Variants in DLL1 observed in about 807,000 individuals in gnomAD.
DLL1 encodes delta-like protein 1.
Under a neutral mutation model 75.1 loss-of-function variants are expected in DLL1, and 9 were observed. That is an observed-to-expected ratio of 0.12 (90% CI 0.07 to 0.21). The LOEUF is 0.21. Among genes scored for constraint, DLL1 ranks in the 10% least tolerant of loss-of-function variants. The probability of loss-of-function intolerance (pLI) is 1.00; values close to 1 mark genes in which losing one functional copy is unlikely to be tolerated. For missense variants in DLL1, 837 were observed against 1,007.6 expected, an observed-to-expected ratio of 0.83 and a Z score of 2.29; for synonymous variants, 477 against 418.3, an observed-to-expected ratio of 1.14 and a Z score of -1.71.
Position 170,290,226 on chromosome 6 carries a change from G to A in DLL1, c.-87C>T. On this transcript the variant is annotated 5_prime_UTR_variant, in exon 1 of 11. Transcript: ENST00000366756. This position sits in a 1 kb window ranked among gnomAD's most constrained non-coding sequence, Gnocchi z 4.7. ...ACGCGCGGGGGATCGATGGGCCACG[G>A]GGAGCGTGGGCAGAAAAGCGCCCTT... 1 of 1,510,306 alleles carries A rather than the reference G, an allele frequency of 6.6e-7. No individual in the cohort carries two copies. The highest frequency in any genetic ancestry group is 8.9e-7 in the Non-Finnish European group (1 of 1,117,414). The allele number at this position is 1,510,306 out of a possible 1,614,324, so 93.6% of individuals were successfully genotyped here. A position where few individuals can be genotyped will look rare whatever the true frequency, so the allele number is the denominator to read the frequency against.
rs1450606357 is a variant in DLL1 at position 170,290,237 on chromosome 6, C to T, written c.-98G>A. On this transcript the variant is annotated 5_prime_UTR_variant, in exon 1 of 11. Coordinates refer to ENST00000366756, the MANE Select transcript of DLL1 (RefSeq NM_005618.4). This position sits in a 1 kb window ranked among gnomAD's most constrained non-coding sequence, Gnocchi z 4.7. The stretch of plus-strand genomic sequence containing the variant: ...ATCGATGGGCCACGGGGAGCGTGGG[C>T]AGAAAAGCGCCCTTGCCTCGCCCCA... 2 of 1,441,334 alleles carry T rather than the reference C, an allele frequency of 1.4e-6. No individual in the cohort carries two copies. The highest frequency in any genetic ancestry group is 1.2e-5 in the South Asian group (1 of 81,470). 89.3% of individuals were successfully genotyped at this position (1,441,334 alleles called of 1,614,324 possible). A position where few individuals can be genotyped will look rare whatever the true frequency, so the allele number is the denominator to read the frequency against.
At chr6:170,288,104 C>T (rs1783746066) in intron 4 of DLL1, 135 bp downstream of exon 4, 6 of 1,357,744 alleles carry the variant, frequency 4.4e-6, no homozygotes, top group Non-Finnish European at 2.0e-6. Flanking sequence ...CAATCCACTT[C>T]TGTCCTCTGG....
At chr6:170,285,799 C>G in intron 5 of DLL1, 100 bp from the exon 6 acceptor site, 1 of 1,534,812 alleles carries the variant, frequency 6.5e-7, no homozygotes, top group South Asian at 1.1e-5. Context: ...ACCAGTGAGC[C>G]TCTGGTTCTC....
In DLL1 at chr6:170,283,937, C is replaced by T. The variant is rs150138823; in HGVS notation, c.1342G>A (p.Ala448Thr). The change falls in exon 9 of 11, where the codon GCC becomes ACC. Residue 448 changes from alanine to threonine, a missense_variant. By Grantham distance (58) the Ala-to-Thr change is moderately conservative (BLOSUM62 0). Around this residue, in one of 2 missense-constraint regions of DLL1, gnomAD observed 533 missense variants for 545.7 expected, o/e 0.98. Transcript: ENST00000366756. Reference protein sequence around the residue: ...RHCDDNVDDCASSPCANGGTC... With the variant: ...RHCDDNVDDCTSSPCANGGTC... ...CCCCCGTTGGCGCACGGGGAGGAGGCGCAGTCGTCCACGTTGTCGTCACAG... is the reference window on the plus strand; with the variant it reads ...CCCCCGTTGGCGCACGGGGAGGAGGTGCAGTCGTCCACGTTGTCGTCACAG... 1.6e-4 allele frequency: 256 copies of T among 1,595,166 alleles called. 1 individual carries two copies. The African/African-American group carries it at 2.9e-3, about 18-fold the overall frequency.
Position 170,283,243 on chromosome 6 carries a change from G to A in DLL1, c.2036C>T (p.Thr679Ile), listed in dbSNP as rs770434277. ...GSSGEEKGTPTTLRGGEASER... is the reference protein window; with the variant it reads ...GSSGEEKGTPITLRGGEASER... ...CCGCAGCACGCACCCCCTGAGTGTG[G>A]TCGGGGTCCCCTTCTCCTCCCCTGA... is the stretch of plus-strand genomic sequence containing the variant. The change falls in exon 9 of 11, where the codon ACC becomes ATC. Residue 679 changes from threonine to isoleucine, a missense_variant. By Grantham distance (89) the Thr-to-Ile change is moderately conservative (BLOSUM62 -1). Coordinates refer to ENST00000366756, the MANE Select transcript of DLL1 (RefSeq NM_005618.4). 1.9e-6 allele frequency: 3 copies of A among 1,612,678 alleles called. No homozygotes were observed. The highest frequency in any genetic ancestry group is 3.3e-5 in the Admixed American group (2 of 59,978).
In DLL1 at chr6:170,282,707, C is replaced by T. The variant is rs553000143; in HGVS notation, c.*167G>A. 225 of 1,151,410 alleles carry T rather than the reference C, an allele frequency of 2.0e-4. No homozygotes were observed. The highest frequency in any genetic ancestry group is 2.9e-4 in the Middle Eastern group (1 of 3,492). 71.3% of individuals were successfully genotyped at this position (1,151,410 alleles called of 1,614,324 possible). A position where few individuals can be genotyped will look rare whatever the true frequency, so the allele number is the denominator to read the frequency against. ...AGGCGGCCGGGCCGCGACAGGCTGT[C>T]GGCAGGCGTCGAGGACCTCAGGAGG... On this transcript the variant is annotated 3_prime_UTR_variant, in exon 11 of 11. Transcript: ENST00000366756.
chr6:170,288,611 G>C, intron 3 of DLL1, 115 bp from the exon 4 acceptor site: 1 of 1,609,746 alleles, frequency 6.2e-7, no homozygotes, highest in South Asian at 1.1e-5. Flanking sequence ...GCTCCACCCT[G>C]AACTTTCTGG....
intron 3 of DLL1, 103 bp downstream of exon 3, chr6:170,288,626 C>T: frequency 1.2e-6 from 2 of 1,607,108 alleles, no homozygotes; most frequent in Non-Finnish European, 8.5e-7. Context: ...TTCTGGGGCA[C>T]GTGCAGAATG....
rs1458395612 is a variant in DLL1 at position 170,288,798 on chromosome 6, G to C, written c.352-9C>G. 6.2e-7 allele frequency: 1 copy of C among 1,614,064 alleles called. No individual in the cohort carries two copies. The highest frequency in any genetic ancestry group is 8.5e-7 in the Non-Finnish European group (1 of 1,179,916). Reference sequence around the variant, plus strand: ...ATCAGAGAGAAGGTGCCCTGGGAGAGAGGGGAGAAGACGTTAGACAACCCA... The same window carrying C: ...ATCAGAGAGAAGGTGCCCTGGGAGACAGGGGAGAAGACGTTAGACAACCCA... On this transcript the variant is annotated splice_polypyrimidine_tract_variant and intron_variant, in intron 2 of 10. Coordinates refer to ENST00000366756, the MANE Select transcript of DLL1 (RefSeq NM_005618.4).
chr6:170,291,065 G>A lies in DLL1; in HGVS notation c.-926C>T, dbSNP rs976886237. 2 of 701,456 alleles carry A rather than the reference G, an allele frequency of 2.9e-6. No homozygotes were observed. The highest frequency in any genetic ancestry group is 3.5e-5 in the African/African-American group (2 of 57,108). 43.5% of individuals were successfully genotyped at this position (701,456 alleles called of 1,614,324 possible). On this transcript the variant is annotated 5_prime_UTR_variant, in exon 1 of 11. Transcript: ENST00000366756. ...TTCCAAACCCTCCTCTCAATGGATC[G>A]CCAAATGGTCAGTGAGCTGTAAAAT...
Position 170,285,068 on chromosome 6 carries a change from G to A in DLL1, c.1100C>T (p.Ala367Val), listed in dbSNP as rs2114960239. ...GFYGKICELS[A>V]MTCADGPCFN... The stretch of plus-strand genomic sequence containing the variant: ...GCAAGGGCCGTCCGCACAGGTCATG[G>A]CACTCAATTCACAGATTTTGCCGTA... Residue 367 changes from alanine (A) to valine (V), a missense_variant, in exon 8 of 11, where the codon GCC becomes GTC. Coordinates refer to ENST00000366756, the MANE Select transcript of DLL1 (RefSeq NM_005618.4). 6.2e-7 allele frequency: 1 copy of A among 1,614,140 alleles called. No individual in the cohort carries two copies. The highest frequency in any genetic ancestry group is 8.5e-7 in the Non-Finnish European group (1 of 1,180,024).
chr6:170,288,641 C>T, intron 3 of DLL1, 88 bp downstream of exon 3: 1 of 1,608,492 alleles, frequency 6.2e-7, no homozygotes, highest in Non-Finnish European at 8.5e-7. Flanking sequence ...AGAATGAAAG[C>T]TGTCCGGGTT....
At chr6:170,289,293 C>T (rs1301738308) in intron 2 of DLL1, 5 of 761,370 alleles carry the variant, frequency 6.6e-6, no homozygotes, top group Non-Finnish European at 1.1e-5. Context: ...CCTCCTCGCC[C>T]CAGCGCGGTC....
chr6:170,287,930 A>G (rs752867852), intron 4 of DLL1, among the ~76,000 whole-genome samples: 16 of 151,948 alleles, frequency 1.1e-4, no homozygotes, highest in Non-Finnish European at 2.2e-4. Flanking sequence ...TCTCTAATAC[A>G]CACACCCTGG....
In DLL1 at chr6:170,288,627, G is replaced by A; in HGVS notation, c.412+102C>T. 7 of 1,606,870 alleles carry A rather than the reference G, an allele frequency of 4.4e-6. No individual in the cohort carries two copies. In the South Asian group the frequency reaches 4.4e-5, roughly 10 times the overall value. On this transcript the variant is annotated intron_variant, in intron 3 of 10. Transcript: ENST00000366756. ...CTCCACCCTGAACTTTCTGGGGCAC[G>A]TGCAGAATGAAAGCTGTCCGGGTTT...
chr6:170,284,138 GAC>G lies in DLL1; in HGVS notation c.1250-111_1250-110del, dbSNP rs1243811399. On this transcript the variant is annotated intron_variant, in intron 8 of 10. Coordinates refer to ENST00000366756, the MANE Select transcript of DLL1 (RefSeq NM_005618.4). ...CACTGTAGAAACCAGACAAACCAAA[GAC>G]AGTCTGTGGCCTGAATGAGTCCACA... The G allele has an allele frequency of 4.9e-6, 7 of 1,424,222 alleles. No homozygotes were observed. In the African/African-American group the frequency reaches 9.9e-5, roughly 20 times the overall value. 88.2% of individuals were successfully genotyped at this position (1,424,222 alleles called of 1,614,324 possible).
At chr6:170,285,857 G>A (rs1327730032) in intron 5 of DLL1, among the ~76,000 whole-genome samples, 158 bp from the exon 6 acceptor site, 1 of 152,230 alleles carries the variant, frequency 6.6e-6, no homozygotes, top group African/African-American at 2.4e-5. Flanking sequence ...GCCTGGGCCT[G>A]GGCCCCACCA....
rs1294223847 is a variant in DLL1, at chr6:170,283,524, C to A, written c.1755G>T (p.Gly585=). The A allele has an allele frequency of 2.5e-6, 4 of 1,613,624 alleles. No individual in the cohort carries two copies. Among genetic ancestry groups the A allele is most frequent in the Non-Finnish European group, 3.4e-6 (4 of 1,180,032 alleles). The part of the protein sequence containing the change: ...KHRPPADPCR[G]ETETMNNLAN... ...CCAGGTTGTTCATGGTCTCCGTCTC[C>A]CCCCGGCAGGGGTCGGCTGGGGGCC... Residue 585 remains glycine (G), a synonymous_variant, in exon 9 of 11, where the codon GGG becomes GGT. Transcript: ENST00000366756.
intron 4 of DLL1, among the ~76,000 whole-genome samples, chr6:170,287,671 A>G (rs552762166): frequency 1.3e-3 from 196 of 152,310 alleles, no homozygotes; most frequent in African/African-American, 4.5e-3. Flanking sequence ...CCTCGCCCAC[A>G]CAGGCCTTGG....
Sources: gnomAD v4.1 joint callset for allele counts (sites outside exome capture counted in the v4.1 genomes callset) on GRCh38, gnomAD v4.1.1 for gene constraint, gnomAD v4.1.1 regional missense constraint, Gnocchi (gnomAD v3.1) non-coding constraint, MANE v1.5 for transcripts, NCBI Gene and HGNC (gene_info 2026-07-23, HGNC 2026-07-21) for gene names.